The following DACH2 variants were observed in gnomAD, a reference collection of about 807,000 sequenced individuals.
The protein encoded by DACH2 is dachshund homolog 2.
Under a neutral mutation model 35.8 loss-of-function variants are expected in DACH2, and 17 were observed. That is an observed-to-expected ratio of 0.48 (90% CI 0.33 to 0.71). DACH2 has a LOEUF of 0.71. Ranked by LOEUF, DACH2 falls within the 30% of genes least tolerant of loss-of-function variation. The pLI is 0.02. For synonymous variants in DACH2, 195 were observed against 177.3 expected (o/e 1.10, Z -0.79); for missense variants, 469 against 472.7 (o/e 0.99, Z 0.07).
At chrX:86,224,065 G>T (rs1449826589) in intron 1 of DACH2, among the ~76,000 whole-genome samples, 1 of 111,216 alleles carries the variant, frequency 9.0e-6, no homozygotes, top group African/African-American at 3.3e-5. Context: ...TTTCTGTTTT[G>T]CCTCTGGGGC....
At chrX:86,398,259 T>A (rs1162721440) in intron 2 of DACH2, among the ~76,000 whole-genome samples, 2 of 112,562 alleles carry the variant, frequency 1.8e-5, no homozygotes, top group African/African-American at 6.5e-5. Context: ...TTTTATTGCA[T>A]CTATTTGATT....
chrX:86,359,520 A>G (rs2148079259), intron 1 of DACH2, among the ~76,000 whole-genome samples: 1 of 111,826 alleles, frequency 8.9e-6, no homozygotes, highest in African/African-American at 3.2e-5. Flanking sequence ...GGCCAAGGCC[A>G]AAGGATTGGT....
intron 1 of DACH2, among the ~76,000 whole-genome samples, chrX:86,293,822 G>T (rs892261680): frequency 5.4e-5 from 6 of 110,843 alleles, no homozygotes; most frequent in African/African-American, 2.0e-4. Context: ...TCCCTTTGAG[G>T]GTAACCCTAT....
intron 1 of DACH2, among the ~76,000 whole-genome samples, chrX:86,328,641 C>T (rs1238943114): frequency 8.9e-6 from 1 of 111,753 alleles, no homozygotes; most frequent in Non-Finnish European, 1.9e-5. Flanking sequence ...CCTGGGACTT[C>T]GTTTCAGCTT....
In DACH2 at chrX:86,739,900, A is replaced by T; in HGVS notation, c.1240+18A>T. 1 of 1,175,026 alleles carries T rather than the reference A, an allele frequency of 8.5e-7. No homozygotes were observed. The highest frequency in any genetic ancestry group is 1.1e-6 in the Non-Finnish European group (1 of 877,431). On this transcript the variant is annotated intron_variant, in intron 7 of 11. Coordinates refer to ENST00000373125, the MANE Select transcript of DACH2 (RefSeq NM_053281.3). The stretch of plus-strand genomic sequence containing the variant: ...AAGAATGGGTGAGTAACTTTTCTGA[A>T]ACAGGTAATTGGAAAACATTGTTTC...
intron 1 of DACH2, among the ~76,000 whole-genome samples, chrX:86,240,437 G>GATTATT (rs3034441): frequency 0.013 from 1,243 of 95,062 alleles, 14 homozygotes; most frequent in African/African-American, 0.031. Flanking sequence ...GGTTGTATCA[G>GATTATT]ATTATTATTA....
At chrX:86,177,473 A>C (rs1404775672) in intron 1 of DACH2, among the ~76,000 whole-genome samples, 1 of 111,928 alleles carries the variant, frequency 8.9e-6, no homozygotes, top group Non-Finnish European at 1.9e-5. Flanking sequence ...TTGGTGATGA[A>C]GAAATAGTTA....
chrX:86,508,647 T>C (rs912062451), intron 2 of DACH2, among the ~76,000 whole-genome samples: 5 of 111,753 alleles, frequency 4.5e-5, no homozygotes, highest in African/African-American at 1.6e-4. Flanking sequence ...AGGTTGCTAA[T>C]AATTCAAGTC....
Position 86,171,673 on chromosome X carries a change from C to T in DACH2, c.488+22565C>T, listed in dbSNP as rs1185594048. Among the ~76,000 whole-genome samples the T allele has an allele frequency of 4.5e-5, 5 of 111,494 alleles. No homozygotes were observed. The East Asian group carries it at 1.4e-3, about 32-fold the overall frequency. ...CTCACAATTGCTGTGTTCTCCCTCTCCCAGCACCCAGAGATGCTCTCTGAC... is the reference window on the plus strand; with the variant it reads ...CTCACAATTGCTGTGTTCTCCCTCTTCCAGCACCCAGAGATGCTCTCTGAC... On this transcript the variant is annotated intron_variant, in intron 1 of 11. Transcript: ENST00000373125.
intron 1 of DACH2, among the ~76,000 whole-genome samples, chrX:86,176,852 T>TTTA (rs1464172979): frequency 6.2e-5 from 7 of 112,239 alleles, no homozygotes; most frequent in Non-Finnish European, 1.9e-5. Flanking sequence ...AAGACTGTAA[T>TTTA]TTATTATAAA....
chrX:86,701,251 A>G lies in DACH2; in HGVS notation c.931+6072A>G, dbSNP rs1004632741. Reference sequence around the variant, plus strand: ...TGATTCATCATATAAAGAGAAGTAAAAACAAAAACCACATGGTTATCTCAA... The same window carrying G: ...TGATTCATCATATAAAGAGAAGTAAGAACAAAAACCACATGGTTATCTCAA... On this transcript the variant is annotated intron_variant, in intron 5 of 11. Transcript: ENST00000373125. Among the ~76,000 whole-genome samples, 3 of 111,763 alleles carry G rather than the reference A, an allele frequency of 2.7e-5. No homozygotes were observed. In the Admixed American group the frequency reaches 2.9e-4, roughly 11 times the overall value.
chrX:86,306,188 T>A (rs1044266963), intron 1 of DACH2, among the ~76,000 whole-genome samples: 1 of 112,137 alleles, frequency 8.9e-6, no homozygotes, highest in Non-Finnish European at 1.9e-5. Context: ...AGATATGAAA[T>A]CAACCTAAAT....
intron 7 of DACH2, among the ~76,000 whole-genome samples, chrX:86,763,508 C>CAGT (rs2041903368): frequency 8.9e-6 from 1 of 111,904 alleles, no homozygotes; most frequent in African/African-American, 3.2e-5. Context: ...GGCTGGAGTG[C>CAGT]AGTGGTGCGA....
At chrX:86,306,515 G>T (rs187053513) in intron 1 of DACH2, among the ~76,000 whole-genome samples, 2 of 111,918 alleles carry the variant, frequency 1.8e-5, no homozygotes, top group Non-Finnish European at 3.8e-5. Context: ...GAGTCAGTGG[G>T]CTGGGGAAGG....
chrX:86,151,465 T>C (rs1048871819), intron 1 of DACH2, among the ~76,000 whole-genome samples: 1 of 111,410 alleles, frequency 9.0e-6, no homozygotes. Flanking sequence ...TAAAAATTTA[T>C]GAAGTATATT....
chrX:86,489,656 A>G (rs920811797), intron 2 of DACH2, among the ~76,000 whole-genome samples: 3 of 111,706 alleles, frequency 2.7e-5, no homozygotes, highest in African/African-American at 9.7e-5. Flanking sequence ...TGTCAATTAA[A>G]TAAAAAGATT....
intron 3 of DACH2, among the ~76,000 whole-genome samples, chrX:86,538,280 T>G (rs1336600800): frequency 1.8e-5 from 2 of 111,664 alleles, no homozygotes; most frequent in Non-Finnish European, 3.8e-5. Flanking sequence ...AGATTCAGAA[T>G]TTTCTACAAT....
chrX:86,464,054 GC>G (rs1312532734), intron 2 of DACH2, among the ~76,000 whole-genome samples: 2 of 111,426 alleles, frequency 1.8e-5, no homozygotes, highest in Non-Finnish European at 3.8e-5. Flanking sequence ...AAATGGGAAT[GC>G]TTTTACACTG....
chrX:86,691,150 T>C (rs1366313483), intron 4 of DACH2, among the ~76,000 whole-genome samples: 1 of 111,657 alleles, frequency 9.0e-6, no homozygotes, highest in Non-Finnish European at 1.9e-5. Context: ...TCAGTTTCTC[T>C]CCTCTTTACT....
Sources: allele counts gnomAD v4.1 joint callset (sites outside exome capture counted in the v4.1 genomes callset), GRCh38; gene constraint gnomAD v4.1.1; transcripts MANE v1.5; gene names NCBI Gene and HGNC (gene_info 2026-07-23, HGNC 2026-07-21).